ERGIC1: variants seen among roughly 807,000 people sequenced by gnomAD.
ERGIC1 encodes the protein endoplasmic reticulum-Golgi intermediate compartment protein 1.
ERGIC1 carries 19 observed loss-of-function variants against 38.3 expected under a neutral mutation model. The ratio of observed to expected loss-of-function variants is 0.50; its 90% CI spans 0.35 to 0.73. ERGIC1 has a LOEUF of 0.73. Ranked by LOEUF, ERGIC1 falls within the 30% of genes least tolerant of loss-of-function variation. ERGIC1 has a pLI of 0.01. For missense variants in ERGIC1, 294 were observed against 389.2 expected, an observed-to-expected ratio of 0.76 and a Z score of 2.06; for synonymous variants, 124 against 157.6, an observed-to-expected ratio of 0.79 and a Z score of 1.60.
chr5:172,914,486 C>T, intron 4 of ERGIC1: 1 of 639,426 alleles, frequency 1.6e-6, no homozygotes, highest in Non-Finnish European at 2.7e-6. Flanking sequence ...TGGCAGACCC[C>T]AGGGTGGCCC....
intron 1 of ERGIC1, among the ~76,000 whole-genome samples, chr5:172,881,765 C>T (rs989482547): frequency 8.5e-5 from 13 of 152,206 alleles, no homozygotes; most frequent in African/African-American, 3.1e-4. Flanking sequence ...TGAGCCTCAT[C>T]TGTAAAATGG....
At chr5:172,895,040 G>A (rs946765331) in intron 2 of ERGIC1, among the ~76,000 whole-genome samples, 1 of 152,352 alleles carries the variant, frequency 6.6e-6, no homozygotes, top group East Asian at 1.9e-4. Context: ...TGTCACATCC[G>A]TGACGCTGGC....
At chr5:172,912,098 A>T (rs1581567416) in intron 4 of ERGIC1, among the ~76,000 whole-genome samples, 8 of 139,564 alleles carry the variant, frequency 5.7e-5, no homozygotes, top group Admixed American at 1.5e-4. Context: ...TTTTCTAGCT[A>T]GTGTCTTGGA....
rs1760974762 is a variant in ERGIC1, at chr5:172,834,368, C to G, written c.-46C>G. The G allele has an allele frequency of 3.2e-6, 4 of 1,268,882 alleles. No individual in the cohort carries two copies. The highest frequency in any genetic ancestry group is 1.6e-5 in the African/African-American group (1 of 64,274). 78.6% of individuals were successfully genotyped at this position (1,268,882 alleles called of 1,614,324 possible). ...CAGCGGGCTCGGACCCACGCGGCGCCGCGGCCCGCCTGGCCTGCAGCGCTC... is the reference window on the plus strand; with the variant it reads ...CAGCGGGCTCGGACCCACGCGGCGCGGCGGCCCGCCTGGCCTGCAGCGCTC... On this transcript the variant is annotated 5_prime_UTR_variant, in exon 1 of 10. Coordinates refer to ENST00000393784, the MANE Select transcript of ERGIC1 (RefSeq NM_001031711.3). This position sits in a 1 kb window ranked among gnomAD's most constrained non-coding sequence, Gnocchi z 4.1.
intron 4 of ERGIC1, among the ~76,000 whole-genome samples, chr5:172,911,614 AAC>A (rs1763210458): frequency 6.6e-6 from 1 of 152,066 alleles, no homozygotes; most frequent in Admixed American, 6.5e-5. Context: ...ACTTCTGGAA[AAC>A]ACAGGGAAGC....
At chr5:172,929,954 A>G (rs2431213) in intron 7 of ERGIC1, among the ~76,000 whole-genome samples, 87,960 of 151,976 alleles carry the variant, frequency 0.58, 26,125 homozygotes, top group African/African-American at 0.65. Flanking sequence ...TTGGGAGGCC[A>G]AGTCGGGTGG....
chr5:172,854,046 A>G (rs369256329), intron 1 of ERGIC1, among the ~76,000 whole-genome samples: 12 of 152,214 alleles, frequency 7.9e-5, no homozygotes, highest in Admixed American at 5.2e-4. Context: ...GGAGTTTCAC[A>G]GGATGGTGAA....
intron 1 of ERGIC1, among the ~76,000 whole-genome samples, chr5:172,856,932 G>A (rs1463536066): frequency 2.0e-5 from 3 of 152,192 alleles, no homozygotes; most frequent in Non-Finnish European, 2.9e-5. Context: ...CATACAAAAT[G>A]CCTGAAGCAT....
intron 1 of ERGIC1, among the ~76,000 whole-genome samples, chr5:172,847,018 A>T (rs1344148127): frequency 6.6e-6 from 1 of 152,224 alleles, no homozygotes; most frequent in Non-Finnish European, 1.5e-5. Flanking sequence ...TGCAGATCTC[A>T]GTGCTGTAAT....
intron 1 of ERGIC1, among the ~76,000 whole-genome samples, chr5:172,876,661 G>A (rs974970678): frequency 6.6e-6 from 1 of 152,058 alleles, no homozygotes; most frequent in Non-Finnish European, 1.5e-5. Context: ...ATATGTATAC[G>A]TCCATGAAAC....
intron 5 of ERGIC1, among the ~76,000 whole-genome samples, chr5:172,920,141 G>C (rs1231887146): frequency 6.6e-6 from 1 of 152,130 alleles, no homozygotes; most frequent in Non-Finnish European, 1.5e-5. Flanking sequence ...TGTGCCCCAG[G>C]TCACAGCCTA....
intron 1 of ERGIC1, among the ~76,000 whole-genome samples, chr5:172,882,595 A>G (rs909602640): frequency 6.6e-6 from 1 of 152,156 alleles, no homozygotes; most frequent in Non-Finnish European, 1.5e-5. Flanking sequence ...GAAAAATGAG[A>G]TATCAGTATT....
At chr5:172,928,961 C>T (rs2113462000) in intron 7 of ERGIC1, among the ~76,000 whole-genome samples, 1 of 152,314 alleles carries the variant, frequency 6.6e-6, no homozygotes, top group Admixed American at 6.5e-5. Context: ...TGGCCGTTCT[C>T]TTCATTATCG....
At chr5:172,845,708 G>A (rs953127505) in intron 1 of ERGIC1, among the ~76,000 whole-genome samples, 3 of 152,176 alleles carry the variant, frequency 2.0e-5, no homozygotes, top group African/African-American at 7.2e-5. Flanking sequence ...TGCAAAGCTA[G>A]TACAGACACC....
chr5:172,940,903 C>T (rs114983557), intron 9 of ERGIC1, among the ~76,000 whole-genome samples: 52 of 152,350 alleles, frequency 3.4e-4, no homozygotes, highest in African/African-American at 9.6e-4. Flanking sequence ...GTCTGACTTA[C>T]CTGTGTCCCC....
rs910968231 is a variant in ERGIC1, at chr5:172,877,203, C to A, written c.21-11496C>A. Among the ~76,000 whole-genome samples, 7 of 151,944 alleles carry A rather than the reference C, an allele frequency of 4.6e-5. No homozygotes were observed. In the East Asian group the frequency reaches 7.7e-4, roughly 17 times the overall value. ...TTGTCAATTTCTACAAAAATACTTG[C>A]TGGGATTTTGATTGGAATTGAGTTG... On this transcript the variant is annotated intron_variant, in intron 1 of 9. Coordinates refer to ENST00000393784, the MANE Select transcript of ERGIC1 (RefSeq NM_001031711.3).
Position 172,850,917 on chromosome 5 carries a change from C to T in ERGIC1, c.20+16484C>T, listed in dbSNP as rs570777614. On this transcript the variant is annotated intron_variant, in intron 1 of 9. Transcript: ENST00000393784. ...TATTTCACATAAAAATTTGGATTTC[C>T]AGCCGGGCACGGTGGCTCACACTTG... 5.3e-4 allele frequency among the ~76,000 whole-genome samples: 81 copies of T among 152,156 alleles called. No homozygotes were observed. In the Middle Eastern group the frequency reaches 0.01, roughly 19 times the overall value.
At chr5:172,895,933 C>T (rs72811989) in intron 2 of ERGIC1, among the ~76,000 whole-genome samples, 475 of 152,164 alleles carry the variant, frequency 3.1e-3, no homozygotes, top group Non-Finnish European at 5.3e-3. Flanking sequence ...TATGTCCTGC[C>T]CCCAAGGAGT....
chr5:172,900,778 A>G (rs1355575932), intron 3 of ERGIC1, among the ~76,000 whole-genome samples: 1 of 152,052 alleles, frequency 6.6e-6, no homozygotes, highest in Non-Finnish European at 1.5e-5. Context: ...ACCCTGTGCT[A>G]AGTCAGCGGC....
Sources: allele counts gnomAD v4.1 joint callset (sites outside exome capture counted in the v4.1 genomes callset), GRCh38; gene constraint gnomAD v4.1.1; non-coding constraint Gnocchi (gnomAD v3.1); transcripts MANE v1.5; gene names NCBI Gene and HGNC (gene_info 2026-07-23, HGNC 2026-07-21).